NTNG1: variants seen among roughly 807,000 people sequenced by gnomAD.
NTNG1 encodes the protein netrin G1, also known as netrin-G1.
In NTNG1, 16 loss-of-function variants were observed where a neutral mutation model predicts 54.0. That is an observed-to-expected ratio of 0.30 (90% confidence interval 0.20 to 0.45). The LOEUF is 0.45. Ranked by LOEUF, NTNG1 falls within the 20% of genes least tolerant of loss-of-function variation. The pLI is 1.00. For missense variants in NTNG1, 530 were observed against 678.7 expected (o/e 0.78, Z 2.43); for synonymous variants, 255 against 263.1 (o/e 0.97, Z 0.30).
chr1:107,361,889 T>A (rs568268003), intron 3 of NTNG1, among the ~76,000 whole-genome samples: 19 of 152,298 alleles, frequency 1.2e-4, no homozygotes, highest in Non-Finnish European at 2.9e-5. Flanking sequence ...ATTAGCATCT[T>A]GGCTTATGCT....
chr1:107,168,642 T>C (rs1205003489), intron 2 of NTNG1, among the ~76,000 whole-genome samples: 3 of 152,104 alleles, frequency 2.0e-5, no homozygotes, highest in African/African-American at 4.8e-5. Context: ...GCATCCTGGA[T>C]AAACATAGGA....
At chr1:107,397,662 GT>G (rs566178515) in intron 4 of NTNG1, among the ~76,000 whole-genome samples, 6 of 151,650 alleles carry the variant, frequency 4.0e-5, no homozygotes, top group African/African-American at 9.7e-5. Flanking sequence ...TTTATTTTTA[GT>G]TTTTTTCATA....
At chr1:107,404,838 A>G (rs1412108186) in intron 4 of NTNG1, among the ~76,000 whole-genome samples, 1 of 152,174 alleles carries the variant, frequency 6.6e-6, no homozygotes, top group Non-Finnish European at 1.5e-5. Context: ...CTCAGTTTCA[A>G]AGGTAATAAT....
intron 1 of NTNG1, among the ~76,000 whole-genome samples, chr1:107,146,026 C>T (rs1432832868): frequency 3.3e-5 from 5 of 151,638 alleles, no homozygotes; most frequent in South Asian, 2.1e-4. Context: ...ACAGAGTAAC[C>T]GAGAATAAAT....
chr1:107,338,635 A>T (rs1570712635), intron 3 of NTNG1, among the ~76,000 whole-genome samples: 1 of 151,872 alleles, frequency 6.6e-6, no homozygotes, highest in Admixed American at 6.6e-5. Context: ...AGTTCTAAGC[A>T]CCTCCCAAAA....
intron 5 of NTNG1, among the ~76,000 whole-genome samples, chr1:107,414,357 A>C (rs2101190556): frequency 6.6e-6 from 1 of 152,300 alleles, no homozygotes; most frequent in South Asian, 2.1e-4. Flanking sequence ...GGGTTCTTAA[A>C]AAAATTGGAG....
chr1:107,420,561 T>C (rs1413063829), intron 5 of NTNG1, among the ~76,000 whole-genome samples: 2 of 151,990 alleles, frequency 1.3e-5, no homozygotes, highest in African/African-American at 2.4e-5. Context: ...CTACAACTTT[T>C]AAAGGTATAT....
chr1:107,469,881 T>C (rs185390855), intron 7 of NTNG1, among the ~76,000 whole-genome samples: 1 of 152,118 alleles, frequency 6.6e-6, no homozygotes, highest in Non-Finnish European at 1.5e-5. Context: ...TTTTTTTTTT[T>C]AATTAGTTTA....
At chr1:107,340,421 A>G (rs12066815) in intron 3 of NTNG1, among the ~76,000 whole-genome samples, 37,997 of 151,924 alleles carry the variant, frequency 0.25, 4,894 homozygotes, top group Middle Eastern at 0.32. Context: ...TTAAATATAA[A>G]TGTTATTTAT....
At chr1:107,145,319 G>A (rs963070101) in intron 1 of NTNG1, among the ~76,000 whole-genome samples, 4 of 151,942 alleles carry the variant, frequency 2.6e-5, no homozygotes, top group Admixed American at 2.0e-4. Context: ...CTTTTCCATT[G>A]TGTGTCATGG....
chr1:107,305,307 G>A (rs1169764616), intron 2 of NTNG1, among the ~76,000 whole-genome samples: 2 of 152,226 alleles, frequency 1.3e-5, no homozygotes, highest in Admixed American at 6.5e-5. Context: ...TTGAGGAATC[G>A]CCACACTGTC....
At chr1:107,235,680 G>A (rs1231178793) in intron 2 of NTNG1, among the ~76,000 whole-genome samples, 1 of 152,128 alleles carries the variant, frequency 6.6e-6, no homozygotes, top group Non-Finnish European at 1.5e-5. Flanking sequence ...CTCAGTTAAG[G>A]AAAGTATACT....
intron 5 of NTNG1, among the ~76,000 whole-genome samples, chr1:107,419,766 A>G (rs1409455932): frequency 6.6e-6 from 1 of 152,038 alleles, no homozygotes; most frequent in Non-Finnish European, 1.5e-5. Flanking sequence ...AAAACAAAAT[A>G]TATTAGTAAT....
At chr1:107,152,035 TACATATATACATACATATATAC>T (rs1403976009) in intron 2 of NTNG1, among the ~76,000 whole-genome samples, 4 of 151,572 alleles carry the variant, frequency 2.6e-5, no homozygotes, top group East Asian at 1.9e-4. Context: ...TATATATACA[TACATATATACATACATATATAC>T]ACATATATAC....
At chr1:107,364,970 T>G (rs1412056499) in intron 3 of NTNG1, among the ~76,000 whole-genome samples, 4 of 152,204 alleles carry the variant, frequency 2.6e-5, no homozygotes, top group Non-Finnish European at 5.9e-5. Flanking sequence ...AAATAATTTA[T>G]ATGATGCACA....
chr1:107,347,717 A>G (rs922903376), intron 3 of NTNG1, among the ~76,000 whole-genome samples: 11 of 152,168 alleles, frequency 7.2e-5, no homozygotes, highest in African/African-American at 2.4e-4. Context: ...GATTTAATCG[A>G]CTCACAGTTC....
chr1:107,279,618 T>C (rs532633878), intron 2 of NTNG1, among the ~76,000 whole-genome samples: 1 of 152,260 alleles, frequency 6.6e-6, no homozygotes, highest in Admixed American at 6.5e-5. Context: ...CCTTCATCTT[T>C]CTAGAATACA....
At chr1:107,166,435 A>G (rs1655799003) in intron 2 of NTNG1, among the ~76,000 whole-genome samples, 1 of 152,158 alleles carries the variant, frequency 6.6e-6, no homozygotes. Context: ...ATCTCTCTAT[A>G]AGCAATCTTT....
chr1:107,281,694 C>T lies in NTNG1; in HGVS notation c.247-42588C>T, dbSNP rs141170472. 6.1e-3 allele frequency among the ~76,000 whole-genome samples: 925 copies of T among 151,380 alleles called. 11 individuals carry two copies. Among genetic ancestry groups the T allele is most frequent in the African/African-American group, 0.021 (861 of 41,222 alleles). ...GTATATACCCATAAATATATATATA[C>T]ACACACACACACAAATTTTATTTAA... On this transcript the variant is annotated intron_variant, in intron 2 of 7. Transcript: ENST00000370068.
Sources: allele counts gnomAD v4.1 joint callset (sites outside exome capture counted in the v4.1 genomes callset), GRCh38; gene constraint gnomAD v4.1.1; transcripts MANE v1.5; gene names NCBI Gene and HGNC (gene_info 2026-07-23, HGNC 2026-07-21).